The following EZH2 variants were observed in gnomAD, a reference collection of about 807,000 sequenced individuals.
The protein encoded by EZH2 is histone-lysine N-methyltransferase EZH2.
EZH2 carries 18 observed loss-of-function variants against 98.4 expected under a neutral mutation model. That is an observed-to-expected ratio of 0.18 (90% CI 0.13 to 0.27). The LOEUF is 0.27. Among genes scored for constraint, EZH2 ranks in the 10% least tolerant of loss-of-function variants. The pLI is 1.00. For missense variants in EZH2, 470 were observed against 935.1 expected (o/e 0.50, Z 6.49); for synonymous variants, 338 against 312.3 (o/e 1.08, Z -0.87).
At position 148,810,426 on chromosome 7, in the gene EZH2, GAC is replaced by G. The variant is rs1456457841; in HGVS notation, c.1948-14_1948-13del. ...TCTTGAGAAATAATCTAAAAAGAAA[GAC>G]ACAGGAGAAAATTCTTTTGGATAAA... On this transcript the variant is annotated splice_polypyrimidine_tract_variant and intron_variant, in intron 16 of 19. Coordinates refer to ENST00000320356, the MANE Select transcript of EZH2 (RefSeq NM_004456.5). The G allele has an allele frequency of 1.3e-6, 2 of 1,588,610 alleles. No homozygotes were observed. Among genetic ancestry groups the G allele is most frequent in the African/African-American group, 1.3e-5 (1 of 74,570 alleles).
chr7:148,831,210 T>C (rs551492571), intron 4 of EZH2, among the ~76,000 whole-genome samples: 58 of 152,272 alleles, frequency 3.8e-4, no homozygotes, highest in Non-Finnish European at 4.3e-4. Flanking sequence ...ACAAGTACCG[T>C]AGACAGACAA....
intron 12 of EZH2, 145 bp from the exon 13 acceptor site, chr7:148,815,691 A>T: frequency 1.4e-6 from 1 of 730,456 alleles, no homozygotes. Flanking sequence ...TATATTTGCC[A>T]TCAGTTTGAA....
In EZH2 at chr7:148,866,636, AC is replaced by A. The variant is rs1818565077; in HGVS notation, c.-8+17527del. 2.0e-5 allele frequency among the ~76,000 whole-genome samples: 3 copies of A among 146,902 alleles called. No homozygotes were observed. The East Asian group carries it at 5.9e-4, about 29-fold the overall frequency. ...AATATATATGCATATATGTATATAT[AC>A]ATATACATATACGTATATACGTATA... On this transcript the variant is annotated intron_variant, in intron 1 of 19. Transcript: ENST00000320356.
chr7:148,834,352 T>TATAC (rs1321608007), intron 3 of EZH2, among the ~76,000 whole-genome samples: 5 of 143,414 alleles, frequency 3.5e-5, no homozygotes, highest in South Asian at 2.2e-4. Flanking sequence ...TATATATATA[T>TATAC]ACACACACAC....
At chr7:148,883,197 T>C (rs1195278830) in intron 1 of EZH2, 1 of 152,214 alleles carries the variant, frequency 6.6e-6, no homozygotes, top group African/African-American at 2.4e-5. Flanking sequence ...GGCAACTCAC[T>C]AGGCGTTCAC....
At chr7:148,865,122 T>C (rs1356526361) in intron 1 of EZH2, among the ~76,000 whole-genome samples, 4 of 131,148 alleles carry the variant, frequency 3.0e-5, no homozygotes, top group African/African-American at 9.4e-5. Flanking sequence ...GCGAGACTTG[T>C]CTCAAAAAAA....
At chr7:148,812,654 T>C (rs988285760) in intron 15 of EZH2, among the ~76,000 whole-genome samples, 1 of 152,204 alleles carries the variant, frequency 6.6e-6, no homozygotes, top group African/African-American at 2.4e-5. Context: ...ATGAATAGAA[T>C]TGCCCACTTT....
At chr7:148,864,494 A>G (rs11976154) in intron 1 of EZH2, among the ~76,000 whole-genome samples, 27,186 of 151,620 alleles carry the variant, frequency 0.18, 2,637 homozygotes, top group East Asian at 0.26. Flanking sequence ...ACCAGCCTGG[A>G]CAATATGGTG....
chr7:148,846,706 G>C (rs2129485174), intron 2 of EZH2, 108 bp from the exon 3 acceptor site: 1 of 986,602 alleles, frequency 1.0e-6, no homozygotes, highest in East Asian at 2.6e-5. Flanking sequence ...AAAATATCAA[G>C]AACATTTTCT....
chr7:148,867,127 C>G (rs977708344), intron 1 of EZH2, among the ~76,000 whole-genome samples: 1 of 151,696 alleles, frequency 6.6e-6, no homozygotes, highest in African/African-American at 2.4e-5. Flanking sequence ...AGGAGTTCAA[C>G]ACCAGCCTGG....
intron 8 of EZH2, 146 bp downstream of exon 8, chr7:148,826,308 A>G: frequency 8.1e-6 from 5 of 613,854 alleles, no homozygotes; most frequent in Non-Finnish European, 1.2e-5. Context: ...CAAGCAACAA[A>G]GTAAAAATAA....
chr7:148,856,405 G>A (rs1455955138), intron 1 of EZH2, among the ~76,000 whole-genome samples: 1 of 152,150 alleles, frequency 6.6e-6, no homozygotes, highest in Admixed American at 6.6e-5. Context: ...AAATATATGC[G>A]GATAGATACA....
chr7:148,817,418 C>G, intron 10 of EZH2, 27 bp from the exon 11 acceptor site: 6 of 1,602,928 alleles, frequency 3.7e-6, no homozygotes, highest in Non-Finnish European at 4.3e-6. Flanking sequence ...AAGCACTGGT[C>G]AAGAAATGAT....
At chr7:148,882,615 T>A (rs932930349) in intron 1 of EZH2, among the ~76,000 whole-genome samples, 1 of 152,216 alleles carries the variant, frequency 6.6e-6, no homozygotes, top group Non-Finnish European at 1.5e-5. Context: ...CTAATGCTTA[T>A]GAAGAGTAAT....
chr7:148,867,962 C>G (rs1364092370), intron 1 of EZH2, among the ~76,000 whole-genome samples: 1 of 152,198 alleles, frequency 6.6e-6, no homozygotes, highest in Non-Finnish European at 1.5e-5. Flanking sequence ...GACTTTTACT[C>G]CAGTTCCCCA....
intron 3 of EZH2, among the ~76,000 whole-genome samples, chr7:148,842,726 A>G (rs1426144235): frequency 2.0e-5 from 3 of 152,042 alleles, no homozygotes; most frequent in Admixed American, 6.5e-5. Context: ...CTTAGGTTCT[A>G]TAATCTCAAA....
intron 16 of EZH2, among the ~76,000 whole-genome samples, chr7:148,810,918 A>AG (rs1802873368): frequency 6.6e-6 from 1 of 151,640 alleles, no homozygotes; most frequent in Non-Finnish European, 1.5e-5. Context: ...AAAAAAAAAA[A>AG]AAAATTTGGG....
intron 3 of EZH2, among the ~76,000 whole-genome samples, chr7:148,835,034 GT>G (rs1035600013): frequency 2.0e-5 from 3 of 152,182 alleles, no homozygotes; most frequent in African/African-American, 7.2e-5. Flanking sequence ...TGCAACACCC[GT>G]GAGCTTAATT....
intron 1 of EZH2, among the ~76,000 whole-genome samples, chr7:148,859,249 T>C (rs1231516507): frequency 6.6e-6 from 1 of 152,200 alleles, no homozygotes; most frequent in Non-Finnish European, 1.5e-5. Context: ...CTCATGCCTG[T>C]GATCCCAGCA....
Sources: gnomAD v4.1 joint callset for allele counts (sites outside exome capture counted in the v4.1 genomes callset) on GRCh38, gnomAD v4.1.1 for gene constraint, MANE v1.5 for transcripts, NCBI Gene and HGNC (gene_info 2026-07-23, HGNC 2026-07-21) for gene names.